Variants in DNAH9 observed in about 807,000 individuals in gnomAD.
DNAH9 encodes the protein DNAH9 variant protein.
A neutral mutation model predicts 471.6 loss-of-function variants in DNAH9; 345 were observed. That is an observed-to-expected ratio of 0.73 (90% CI 0.67 to 0.80). The LOEUF (loss-of-function observed/expected upper bound fraction) is 0.80. DNAH9 is among the 30% of genes least tolerant of loss of function. DNAH9 has a pLI of 0.00. For missense variants in DNAH9, 5,407 were observed against 5,609.2 expected, an observed-to-expected ratio of 0.96 and a Z score of 1.15; for synonymous variants, 2,093 against 2,123.6, an observed-to-expected ratio of 0.99 and a Z score of 0.40.
intron 6 of DNAH9, 38 bp downstream of exon 6, chr17:11,619,819 C>G (rs201145944): frequency 8.1e-7 from 1 of 1,229,694 alleles, no homozygotes; most frequent in Non-Finnish European, 1.2e-6. Flanking sequence ...CAGCCCCAGA[C>G]AGAAAGAAGC....
intron 38 of DNAH9, among the ~76,000 whole-genome samples, chr17:11,778,285 G>C (rs1305003032): frequency 8.4e-6 from 1 of 119,410 alleles, no homozygotes; most frequent in Non-Finnish European, 1.6e-5. Flanking sequence ...AGCCAAAACA[G>C]TGCCACTGCA....
chr17:11,824,146 C>T (rs1487722831), intron 48 of DNAH9, among the ~76,000 whole-genome samples: 1 of 152,100 alleles, frequency 6.6e-6, no homozygotes, highest in Non-Finnish European at 1.5e-5. Context: ...TTTCTCTTCT[C>T]CAGCAGCAGA....
rs1489601953 is a variant in DNAH9, at chr17:11,866,712, G to A, written c.9934-2422G>A. Among the ~76,000 whole-genome samples the A allele has an allele frequency of 2.0e-5, 3 of 152,246 alleles. No homozygotes were observed. The East Asian group carries it at 5.8e-4, about 29-fold the overall frequency. On this transcript the variant is annotated intron_variant, in intron 50 of 68. Coordinates refer to ENST00000262442, the MANE Select transcript of DNAH9 (RefSeq NM_001372.4). ...CCAGCTGCTTTGTTTACCTAAGCAA[G>A]CCTGGGCAATGGCGGGCGCCCCTCC...
chr17:11,821,928 C>T lies in DNAH9; in HGVS notation c.8716C>T (p.Pro2906Ser). 1 of 1,611,538 alleles carries T rather than the reference C, an allele frequency of 6.2e-7. No individual in the cohort carries two copies. Among genetic ancestry groups the T allele is most frequent in the Non-Finnish European group, 8.5e-7 (1 of 1,179,230 alleles). The change falls in exon 46 of 69, where the codon CCA becomes TCA. Residue 2906 changes from proline to serine, a missense_variant. Transcript: ENST00000262442. Reference protein sequence around the residue: ...INDLLASGEIPDLYSDDEVEN... With the variant: ...INDLLASGEISDLYSDDEVEN... ...GCTCCATTTTTTCCCAGGGGAGATC[C>T]CAGATCTCTACTCTGATGATGAAGT...
intron 67 of DNAH9, among the ~76,000 whole-genome samples, chr17:11,960,730 G>A (rs1031318248): frequency 2.6e-5 from 4 of 151,978 alleles, no homozygotes; most frequent in South Asian, 2.1e-4. Flanking sequence ...CTGCACTCCC[G>A]CCTGGGTGAC....
rs965018483 is a variant in DNAH9, at chr17:11,727,313, T to C, written c.5710-505T>C. ...TTTGAAAAGATTTACCTTTAGTTTG[T>C]GTGTATGTGTTTTTGTTTTTTGGTT... On this transcript the variant is annotated intron_variant, in intron 27 of 68. Transcript: ENST00000262442. Among the ~76,000 whole-genome samples, 106 of 152,258 alleles carry C rather than the reference T, an allele frequency of 7.0e-4. 1 individual carries two copies. The highest frequency in any genetic ancestry group is 2.5e-3 in the African/African-American group (103 of 41,548).
intron 67 of DNAH9, among the ~76,000 whole-genome samples, chr17:11,952,064 T>A (rs1331954430): frequency 6.6e-6 from 1 of 151,954 alleles, no homozygotes; most frequent in Admixed American, 6.6e-5. Flanking sequence ...TGGATGATGG[T>A]ATTTTAGGCA....
chr17:11,944,458 G>A (rs1975046037), intron 67 of DNAH9, among the ~76,000 whole-genome samples: 1 of 152,164 alleles, frequency 6.6e-6, no homozygotes, highest in Non-Finnish European at 1.5e-5. Context: ...GGCTCCTAGA[G>A]GCACAGGGCA....
chr17:11,786,934 A>G (rs945929127), intron 41 of DNAH9, among the ~76,000 whole-genome samples: 4 of 152,132 alleles, frequency 2.6e-5, no homozygotes, highest in Non-Finnish European at 5.9e-5. Context: ...AAGTGTGGAG[A>G]ACGCAACATC....
In DNAH9 at chr17:11,892,992, T is replaced by C. The variant is rs1973099231; in HGVS notation, c.11283+1045T>C. 1.3e-5 allele frequency among the ~76,000 whole-genome samples: 2 copies of C among 152,068 alleles called. No homozygotes were observed. The highest frequency in any genetic ancestry group is 2.9e-5 in the Non-Finnish European group (2 of 68,026). On this transcript the variant is annotated intron_variant, in intron 58 of 68. Transcript: ENST00000262442. This position sits in a 1 kb window ranked among gnomAD's most constrained non-coding sequence, Gnocchi z 4.3. Reference sequence around the variant, plus strand: ...ATCCGTAGTCAGACACGTTATCCATTGCACCACTGGCCCACGGTTGAAGGC... The same window carrying C: ...ATCCGTAGTCAGACACGTTATCCATCGCACCACTGGCCCACGGTTGAAGGC...
At chr17:11,878,180 C>A (rs1239131259) in intron 53 of DNAH9, among the ~76,000 whole-genome samples, 1 of 152,184 alleles carries the variant, frequency 6.6e-6, no homozygotes, top group African/African-American at 2.4e-5. Flanking sequence ...TGCAGTGTCC[C>A]TAGTGTCTAA....
chr17:11,893,132 A>C (rs1197993551), intron 58 of DNAH9, among the ~76,000 whole-genome samples: 2 of 114,972 alleles, frequency 1.7e-5, no homozygotes, highest in African/African-American at 6.7e-5. Context: ...CACCCCTCTC[A>C]CCCCCTATAT....
chr17:11,756,131 G>T (rs1247907580), intron 33 of DNAH9, among the ~76,000 whole-genome samples: 1 of 152,144 alleles, frequency 6.6e-6, no homozygotes, highest in Non-Finnish European at 1.5e-5. Flanking sequence ...CAAAAAATTA[G>T]CTGGACATGG....
rs779965985 is a variant in DNAH9 at position 11,854,205 on chromosome 17, G to A, written c.9710G>A (p.Cys3237Tyr). ...NFNKENIHEN[C>Y]LKAIRPYLQD... ...AACAAAGAGAACATTCACGAGAACT[G>A]CCTCAAAGCCATCAGGCCGTATCTG... The change falls in exon 50 of 69, where the codon TGC becomes TAC. Residue 3237 changes from cysteine to tyrosine, a missense_variant. Coordinates refer to ENST00000262442, the MANE Select transcript of DNAH9 (RefSeq NM_001372.4). 1.2e-6 allele frequency: 2 copies of A among 1,614,154 alleles called. No individual in the cohort carries two copies. The highest frequency in any genetic ancestry group is 1.7e-5 in the Admixed American group (1 of 60,018).
At chr17:11,835,865 A>T (rs1226924452) in intron 49 of DNAH9, among the ~76,000 whole-genome samples, 1 of 152,032 alleles carries the variant, frequency 6.6e-6, no homozygotes, top group Non-Finnish European at 1.5e-5. Context: ...TCCACTGGAG[A>T]TTTCCACACC....
At chr17:11,968,078 T>C (rs1169164531) in intron 68 of DNAH9, among the ~76,000 whole-genome samples, 1 of 152,344 alleles carries the variant, frequency 6.6e-6, no homozygotes, top group Non-Finnish European at 1.5e-5. Flanking sequence ...ATCATAGAGT[T>C]TCTTTTTGGG....
At position 11,894,466 on chromosome 17, in the gene DNAH9, CCT is replaced by C; in HGVS notation, c.11380_11381del (p.Ser3794ProfsTer18). 6.2e-7 allele frequency: 1 copy of C among 1,614,144 alleles called. No individual in the cohort carries two copies. The highest frequency in any genetic ancestry group is 8.5e-7 in the Non-Finnish European group (1 of 1,180,018). On this transcript the variant is annotated frameshift_variant, in exon 59 of 69. Coordinates refer to ENST00000262442, the MANE Select transcript of DNAH9 (RefSeq NM_001372.4). LOFTEE classifies it high-confidence loss of function. ...CGGGCACCGCCAGCCCCGTGGAGTT[CCT>C]CTCCCATCAGGCGTGGGGAGCTGTC... ...QTGTASPVEFLSHQAWGAVKV... is the reference protein window; with the variant it reads ...QTGTASPVEFXSHQAWGAVKV...
intron 4 of DNAH9, chr17:11,612,263 A>G (rs940388419): frequency 1.3e-5 from 3 of 233,344 alleles, no homozygotes; most frequent in Non-Finnish European, 2.6e-5. Flanking sequence ...CCTTCTGGCA[A>G]GACAGCCTAA....
At chr17:11,731,604 G>A (rs1597560402) in intron 28 of DNAH9, among the ~76,000 whole-genome samples, 1 of 134,180 alleles carries the variant, frequency 7.5e-6, no homozygotes, top group Non-Finnish European at 1.5e-5. Context: ...CTATGTCCAT[G>A]TGTTCTCTTT....
Sources: gnomAD v4.1 joint callset for allele counts (sites outside exome capture counted in the v4.1 genomes callset) on GRCh38, gnomAD v4.1.1 for gene constraint, Gnocchi (gnomAD v3.1) non-coding constraint, MANE v1.5 for transcripts, NCBI Gene and HGNC (gene_info 2026-07-23, HGNC 2026-07-21) for gene names.